LRRC8C: variants seen among roughly 807,000 people sequenced by gnomAD.
The protein encoded by LRRC8C is volume-regulated anion channel subunit LRRC8C.
In LRRC8C, 20 loss-of-function variants were observed where a neutral mutation model predicts 55.3. The observed-to-expected ratio is 0.36, with a 90% CI of 0.25 to 0.53. The LOEUF is 0.53. LRRC8C is among the 20% of genes least tolerant of loss of function. LRRC8C has a pLI of 0.92. For synonymous variants in LRRC8C, 376 were observed against 360.7 expected (o/e 1.04, Z -0.48); for missense variants, 659 against 951.4 (o/e 0.69, Z 4.04).
chr1:89,673,104 T>C (rs1224757009), intron 1 of LRRC8C, among the ~76,000 whole-genome samples: 1 of 152,200 alleles, frequency 6.6e-6, no homozygotes, highest in East Asian at 1.9e-4. Context: ...TTTTTCTTCT[T>C]TCTTCCATAC....
chr1:89,643,578 A>G (rs973688896), intron 1 of LRRC8C, among the ~76,000 whole-genome samples: 1 of 152,240 alleles, frequency 6.6e-6, no homozygotes, highest in Non-Finnish European at 1.5e-5. Flanking sequence ...GCTTTTAAGT[A>G]TGATAAGAAT....
chr1:89,696,028 C>G (rs1055019863), intron 2 of LRRC8C, among the ~76,000 whole-genome samples: 4 of 152,094 alleles, frequency 2.6e-5, no homozygotes, highest in Non-Finnish European at 5.9e-5. Context: ...AAAAACAAAA[C>G]AAAAAACTGC....
intron 1 of LRRC8C, among the ~76,000 whole-genome samples, chr1:89,639,703 T>G (rs1055298611): frequency 2.0e-5 from 3 of 152,272 alleles, no homozygotes; most frequent in African/African-American, 7.2e-5. Context: ...GCCATATATC[T>G]ACAGCACTTG....
chr1:89,660,085 G>T lies in LRRC8C; in HGVS notation c.-4-26385G>T, dbSNP rs553076367. ...TCCAAGCAGCGTGCTCTTCTTGAGA[G>T]AGGGTGGGCTGTGTGGGGAAGCCTG... is the stretch of plus-strand genomic sequence containing the variant. On this transcript the variant is annotated intron_variant, in intron 1 of 2. Coordinates refer to ENST00000370454, the MANE Select transcript of LRRC8C (RefSeq NM_032270.5). Among the ~76,000 whole-genome samples, 9 of 152,318 alleles carry T rather than the reference G, an allele frequency of 5.9e-5. No homozygotes were observed. The South Asian group carries it at 1.2e-3, about 21-fold the overall frequency.
At chr1:89,680,588 C>A (rs1657681462) in intron 1 of LRRC8C, among the ~76,000 whole-genome samples, 1 of 117,988 alleles carries the variant, frequency 8.5e-6, no homozygotes. Flanking sequence ...TGAGATGGAG[C>A]CTCACTCTGT....
At chr1:89,620,572 G>C in the LRRC8C span, among the ~76,000 whole-genome samples, 1 of 66,350 alleles carries the variant, frequency 1.5e-5, no homozygotes, top group East Asian at 4.1e-4. Context: ...TCGGGAAGAT[G>C]ATTTTTCAAA....
At chr1:89,694,550 C>T (rs1658112349) in intron 2 of LRRC8C, among the ~76,000 whole-genome samples, 1 of 147,412 alleles carries the variant, frequency 6.8e-6, no homozygotes. Context: ...TCCTGAGTAG[C>T]TGGGATTACA....
intron 1 of LRRC8C, among the ~76,000 whole-genome samples, chr1:89,647,279 C>T (rs1387010512): frequency 6.6e-6 from 1 of 152,074 alleles, no homozygotes; most frequent in East Asian, 1.9e-4. Context: ...TATCAAAGTG[C>T]CTCCTCCTTT....
intron 1 of LRRC8C, among the ~76,000 whole-genome samples, chr1:89,652,792 A>G (rs1570697073): frequency 1.3e-5 from 2 of 152,156 alleles, no homozygotes; most frequent in East Asian, 3.8e-4. Context: ...GGGTCGCAGT[A>G]TCACAGGAGA....
intron 1 of LRRC8C, among the ~76,000 whole-genome samples, chr1:89,671,031 A>G (rs1298636039): frequency 2.0e-5 from 3 of 152,070 alleles, no homozygotes; most frequent in African/African-American, 7.2e-5. Flanking sequence ...TAGATCTGTT[A>G]CTCACATATG....
At chr1:89,674,365 G>A (rs1403490597) in intron 1 of LRRC8C, among the ~76,000 whole-genome samples, 1 of 152,082 alleles carries the variant, frequency 6.6e-6, no homozygotes, top group Non-Finnish European at 1.5e-5. Flanking sequence ...AAATGTGTTT[G>A]CATTAGATAT....
At chr1:89,665,123 C>A (rs549879413) in intron 1 of LRRC8C, among the ~76,000 whole-genome samples, 1 of 152,302 alleles carries the variant, frequency 6.6e-6, no homozygotes, top group Non-Finnish European at 1.5e-5. Context: ...TCCTTTATTT[C>A]TTTCTCTTGC....
chr1:89,628,877 G>T (rs536015054), upstream of LRRC8C, among the ~76,000 whole-genome samples: 2 of 152,322 alleles, frequency 1.3e-5, no homozygotes, highest in South Asian at 4.1e-4. Context: ...AGGGAAGAAG[G>T]ATTCCAGTTT....
intron 1 of LRRC8C, among the ~76,000 whole-genome samples, chr1:89,672,719 A>G (rs564852921): frequency 6.6e-6 from 1 of 152,188 alleles, no homozygotes; most frequent in African/African-American, 2.4e-5. Flanking sequence ...CTTGTGTCCA[A>G]GGATGTGGAA....
intron 1 of LRRC8C, among the ~76,000 whole-genome samples, chr1:89,673,505 A>G (rs1657476498): frequency 6.6e-6 from 1 of 152,224 alleles, no homozygotes; most frequent in South Asian, 2.1e-4. Context: ...ACCGTTTGTC[A>G]ATGAAGATGG....
intron 2 of LRRC8C, among the ~76,000 whole-genome samples, chr1:89,693,951 C>T (rs377765742): frequency 1.2e-4 from 19 of 152,080 alleles, no homozygotes; most frequent in African/African-American, 4.3e-4. Context: ...GCTACTGCAC[C>T]GGCCCAGTTG....
At chr1:89,639,825 C>T (rs1656405993) in intron 1 of LRRC8C, among the ~76,000 whole-genome samples, 1 of 152,098 alleles carries the variant, frequency 6.6e-6, no homozygotes, top group Non-Finnish European at 1.5e-5. Flanking sequence ...GTCTTTTCTA[C>T]TATTTTAGAT....
chr1:89,662,823 C>CT (rs896131386), intron 1 of LRRC8C, among the ~76,000 whole-genome samples: 2 of 151,898 alleles, frequency 1.3e-5, no homozygotes, highest in African/African-American at 4.8e-5. Flanking sequence ...TCCTATGTTT[C>CT]TTTTTTTTAA....
At chr1:89,688,159 C>T (rs746418953) in intron 2 of LRRC8C, among the ~76,000 whole-genome samples, 2 of 152,162 alleles carry the variant, frequency 1.3e-5, no homozygotes, top group Non-Finnish European at 2.9e-5. Context: ...TCACACCATG[C>T]TGTCTTTTAT....
Sources: allele counts gnomAD v4.1 joint callset (sites outside exome capture counted in the v4.1 genomes callset), GRCh38; gene constraint gnomAD v4.1.1; transcripts MANE v1.5; gene names NCBI Gene and HGNC (gene_info 2026-07-23, HGNC 2026-07-21).